The following POLDIP3 variants were observed in gnomAD, a reference collection of about 807,000 sequenced individuals.
POLDIP3 encodes the protein polymerase delta-interacting protein 3.
Under a neutral mutation model 45.1 loss-of-function variants are expected in POLDIP3, and 14 were observed. The observed-to-expected ratio is 0.31, with a 90% CI of 0.20 to 0.49. The LOEUF is 0.49. Among genes scored for constraint, POLDIP3 ranks in the 20% least tolerant of loss-of-function variants. The pLI, the probability that POLDIP3 is intolerant of heterozygous loss-of-function variation, is 0.99. For synonymous variants in POLDIP3, 223 were observed against 205.2 expected, an observed-to-expected ratio of 1.09 and a Z score of -0.74; for missense variants, 511 against 538.8, an observed-to-expected ratio of 0.95 and a Z score of 0.51.
At chr22:42,600,189 A>C (rs1236993212) in intron 3 of POLDIP3, among the ~76,000 whole-genome samples, 2 of 152,276 alleles carry the variant, frequency 1.3e-5, no homozygotes, top group Non-Finnish European at 2.9e-5. Flanking sequence ...CTAACAGTGA[A>C]AATGACAGGA....
In POLDIP3 at chr22:42,602,769, C is replaced by G; in HGVS notation, c.450+1G>C. ...AATTCATGACAAAAGCCACAACTCA[C>G]CTGGATGGTTTTGGTGAGCTTCAGA... On this transcript the variant is annotated splice_donor_variant, in intron 2 of 8. Transcript: ENST00000252115. LOFTEE classifies it high-confidence loss of function. 6.3e-7 allele frequency: 1 copy of G among 1,593,906 alleles called. No individual in the cohort carries two copies. The highest frequency in any genetic ancestry group is 1.1e-5 in the South Asian group (1 of 89,472).
chr22:42,592,052 T>G lies in POLDIP3; in HGVS notation c.924A>C (p.Arg308=). The G allele has an allele frequency of 6.2e-7, 1 of 1,614,212 alleles. No individual in the cohort carries two copies. Reference sequence around the variant, plus strand: ...CTACCCCAGGATGGACCAGTCGAGCTCGCTTGAGGGCCCCACACACACAGA... The same window carrying G: ...CTACCCCAGGATGGACCAGTCGAGCGCGCTTGAGGGCCCCACACACACAGA... ...ELFCVCGALK[R]ARLVHPGVAE... The change falls in exon 7 of 9, where the codon CGA becomes CGC. Residue 308 remains arginine (R), a synonymous_variant. Coordinates refer to ENST00000252115, the MANE Select transcript of POLDIP3 (RefSeq NM_032311.5).
chr22:42,584,822 C>T lies in POLDIP3; in HGVS notation c.*969G>A, dbSNP rs1009444612. 3.8e-5 allele frequency: 17 copies of T among 448,356 alleles called. No homozygotes were observed. Among genetic ancestry groups the T allele is most frequent in the African/African-American group, 2.8e-4 (14 of 49,722 alleles). 27.8% of individuals were successfully genotyped at this position (448,356 alleles called of 1,614,324 possible). A position where few individuals can be genotyped will look rare whatever the true frequency, so the allele number is the denominator to read the frequency against. On this transcript the variant is annotated 3_prime_UTR_variant, in exon 9 of 9. Coordinates refer to ENST00000252115, the MANE Select transcript of POLDIP3 (RefSeq NM_032311.5). ...GATATATGCCTCCAGGCATCCCTGA[C>T]CACTGTCCTGTAGACAACTGAGGCC...
At chr22:42,604,297 G>C (rs549507796) in intron 1 of POLDIP3, among the ~76,000 whole-genome samples, 1 of 152,188 alleles carries the variant, frequency 6.6e-6, no homozygotes, top group South Asian at 2.1e-4. Flanking sequence ...GCGGGGGGAG[G>C]AGAATGGGGT....
intron 7 of POLDIP3, among the ~76,000 whole-genome samples, chr22:42,588,630 C>CTTTT (rs201367552): frequency 7.3e-6 from 1 of 136,952 alleles, no homozygotes; most frequent in Non-Finnish European, 1.6e-5. Flanking sequence ...TTCTTTCTTT[C>CTTTT]TTTTTTTTTT....
chr22:42,593,332 CT>C (rs1925784355), intron 6 of POLDIP3, among the ~76,000 whole-genome samples: 1 of 152,104 alleles, frequency 6.6e-6, no homozygotes, highest in Non-Finnish European at 1.5e-5. Context: ...TACCATTGTC[CT>C]TTTAACATTG....
At chr22:42,601,692 C>A (rs545404211) in intron 3 of POLDIP3, among the ~76,000 whole-genome samples, 55 of 152,312 alleles carry the variant, frequency 3.6e-4, no homozygotes, top group African/African-American at 1.3e-3. Context: ...ACCCGGGAGG[C>A]AGAGGTTGCA....
At position 42,603,059 on chromosome 22, in the gene POLDIP3, A is replaced by T. The variant is rs1300053783; in HGVS notation, c.161T>A (p.Phe54Tyr). 3.1e-6 allele frequency: 5 copies of T among 1,614,120 alleles called. No homozygotes were observed. The highest frequency in any genetic ancestry group is 4.2e-6 in the Non-Finnish European group (5 of 1,180,028). Residue 54 changes from phenylalanine to tyrosine, a missense_variant, in exon 2 of 9, where the codon TTT becomes TAT. Transcript: ENST00000252115. ...GAGGCCAATCTTCTGCCGGGCATCA[A>T]ATCTCTGCTGGAAGGTGGCTGTGCG... ...STRTATFQQRFDARQKIGLSD... is the reference protein window; with the variant it reads ...STRTATFQQRYDARQKIGLSD...
At position 42,595,610 on chromosome 22, in the gene POLDIP3, A is replaced by C; in HGVS notation, c.818T>G (p.Val273Gly). ...PPKELPAAEP[V>G]LSPLEGTKMT... ...CTTGGTGCCTTCCAATGGGCTGAGA[A>C]CAGGCTGCCACACAGACAAGAGCAT... The change falls in exon 6 of 9, where the codon GTT (valine) becomes GGT (glycine). Residue 273 changes from valine (V) to glycine (G), a missense_variant. Physicochemically the swap from Val to Gly is moderately radical, Grantham distance 109. Around this residue, in one of 4 missense-constraint regions of POLDIP3, gnomAD observed 378 missense variants for 352.3 expected, o/e 1.07. Transcript: ENST00000252115. 1 of 1,613,758 alleles carries C rather than the reference A, an allele frequency of 6.2e-7. No individual in the cohort carries two copies. Among genetic ancestry groups the C allele is most frequent in the Non-Finnish European group, 8.5e-7 (1 of 1,179,812 alleles).
At chr22:42,608,428 TCAAAA>T (rs892967244) in intron 1 of POLDIP3, among the ~76,000 whole-genome samples, 8 of 149,678 alleles carry the variant, frequency 5.3e-5, no homozygotes, top group Non-Finnish European at 7.4e-5. Flanking sequence ...GTCTCAAAAA[TCAAAA>T]CAAAACAAAA....
intron 7 of POLDIP3, among the ~76,000 whole-genome samples, chr22:42,590,132 A>G (rs1314993322): frequency 6.6e-6 from 1 of 152,240 alleles, no homozygotes; most frequent in African/African-American, 2.4e-5. Context: ...ATGAAAATGA[A>G]GGCATGATAT....
In POLDIP3 at chr22:42,596,198, C is replaced by G; in HGVS notation, c.801G>C (p.Leu267=). ...ACCATCACCTCACCTCAGCAGCTGGCAGCTCTTTGGGGGGTTCTTCCTTGT... is the reference window on the plus strand; with the variant it reads ...ACCATCACCTCACCTCAGCAGCTGGGAGCTCTTTGGGGGGTTCTTCCTTGT... ...LVNKEEPPKE[L]PAAEPVLSPL... Residue 267 remains leucine (L), a synonymous_variant, in exon 5 of 9, where the codon CTG becomes CTC. Coordinates refer to ENST00000252115, the MANE Select transcript of POLDIP3 (RefSeq NM_032311.5). The G allele has an allele frequency of 6.2e-7, 1 of 1,614,086 alleles. No individual in the cohort carries two copies. The highest frequency in any genetic ancestry group is 8.5e-7 in the Non-Finnish European group (1 of 1,179,998).
chr22:42,611,574 C>T lies in POLDIP3; in HGVS notation c.59+3225G>A, dbSNP rs552172746. Among the ~76,000 whole-genome samples, 46 of 152,288 alleles carry T rather than the reference C, an allele frequency of 3.0e-4. No individual in the cohort carries two copies. The South Asian group carries it at 9.3e-3, about 31-fold the overall frequency. ...AACATTAAAACCAAAGTTCCAAGTACGCAGATTCTTCTAGGCAGTATGTAA... is the reference window on the plus strand; with the variant it reads ...AACATTAAAACCAAAGTTCCAAGTATGCAGATTCTTCTAGGCAGTATGTAA... On this transcript the variant is annotated intron_variant, in intron 1 of 8. Transcript: ENST00000252115.
chr22:42,590,837 C>T (rs926956480), intron 7 of POLDIP3, among the ~76,000 whole-genome samples: 2 of 152,102 alleles, frequency 1.3e-5, no homozygotes, highest in Non-Finnish European at 2.9e-5. Context: ...TTTGAGAGGC[C>T]GAGGTGGGCA....
intron 1 of POLDIP3, among the ~76,000 whole-genome samples, chr22:42,611,058 AG>A (rs761604824): frequency 3.9e-5 from 6 of 152,238 alleles, no homozygotes; most frequent in Admixed American, 2.0e-4. Flanking sequence ...CCATGGAGGA[AG>A]GTATCACTCA....
Position 42,614,793 on chromosome 22 carries a change from T to A in POLDIP3, c.59+6A>T. ...CTAAACCCCGAAGAAAGGAAAGGCC[T>A]CTCACCGTCCTTTCGCCGCCGCCCC... On this transcript the variant is annotated splice_donor_region_variant and intron_variant, in intron 1 of 8. Coordinates refer to ENST00000252115, the MANE Select transcript of POLDIP3 (RefSeq NM_032311.5). 1 of 1,613,922 alleles carries A rather than the reference T, an allele frequency of 6.2e-7. No homozygotes were observed. The highest frequency in any genetic ancestry group is 8.5e-7 in the Non-Finnish European group (1 of 1,179,842).
intron 1 of POLDIP3, among the ~76,000 whole-genome samples, chr22:42,606,726 C>T (rs1326699716): frequency 1.3e-5 from 2 of 152,220 alleles, no homozygotes; most frequent in Admixed American, 1.3e-4. Context: ...CTGCCTCAGC[C>T]TTCTAAGTAT....
chr22:42,599,752 G>A lies in POLDIP3; in HGVS notation c.579C>T (p.Ser193=), dbSNP rs150765811. The change falls in exon 4 of 9, where the codon TCC becomes TCT. Residue 193 remains serine (S), a synonymous_variant. Coordinates refer to ENST00000252115, the MANE Select transcript of POLDIP3 (RefSeq NM_032311.5). ...DLDEDDDGIA[S]VPTKQMKFAA... is the part of the protein sequence containing the mutation. ...CAAACTTCATCTGTTTAGTAGGAAC[G>A]GAAGCTATACCATCATCATCTTCAT... 7.4e-6 allele frequency: 12 copies of A among 1,612,156 alleles called. No homozygotes were observed. The highest frequency in any genetic ancestry group is 1.6e-4 in the Middle Eastern group (1 of 6,078).
chr22:42,591,930 G>A lies in POLDIP3; in HGVS notation c.1021+25C>T, dbSNP rs1352210598. On this transcript the variant is annotated intron_variant, in intron 7 of 8. Coordinates refer to ENST00000252115, the MANE Select transcript of POLDIP3 (RefSeq NM_032311.5). ...CAAGTAGAGATGAGTGGGAGGGTCA[G>A]GGGACTGCTTTCTCCCTAACTTACC... 4 of 1,613,756 alleles carry A rather than the reference G, an allele frequency of 2.5e-6. 1 individual carries two copies. The South Asian group carries it at 4.4e-5, about 18-fold the overall frequency.
Sources: gnomAD v4.1 joint callset for allele counts (sites outside exome capture counted in the v4.1 genomes callset) on GRCh38, gnomAD v4.1.1 for gene constraint, gnomAD v4.1.1 regional missense constraint, MANE v1.5 for transcripts, NCBI Gene and HGNC (gene_info 2026-07-23, HGNC 2026-07-21) for gene names.